RAB35: variants seen among roughly 807,000 people sequenced by gnomAD.
The protein encoded by RAB35 is ras-related protein Rab-35.
Under a neutral mutation model 28.9 loss-of-function variants are expected in RAB35, and 4 were observed. The observed-to-expected ratio is 0.14, with a 90% CI of 0.07 to 0.32. The LOEUF (loss-of-function observed/expected upper bound fraction) is 0.32, where lower values mean the gene tolerates loss of function less well. Ranked by LOEUF, RAB35 falls within the 10% of genes least tolerant of loss-of-function variation. RAB35 has a pLI of 1.00. For synonymous variants in RAB35, 99 were observed against 105.1 expected (o/e 0.94, Z 0.35); for missense variants, 128 against 274.0 (o/e 0.47, Z 3.76).
chr12:120,112,374 C>T (rs1876154027), intron 1 of RAB35, among the ~76,000 whole-genome samples: 1 of 152,148 alleles, frequency 6.6e-6, no homozygotes, highest in Admixed American at 6.5e-5. Flanking sequence ...CCCCTCACTC[C>T]TCTCTGCTTC....
intron 2 of RAB35, 101 bp downstream of exon 2, chr12:120,108,313 CAGT>C (rs1187153385): frequency 5.3e-5 from 63 of 1,196,374 alleles, no homozygotes; most frequent in Middle Eastern, 2.2e-4. Context: ...CAGAATGAGA[CAGT>C]TCCCAACATC....
At position 120,097,155 on chromosome 12, in the gene RAB35, A is replaced by G; in HGVS notation, c.*90T>C. On this transcript the variant is annotated 3_prime_UTR_variant, in exon 6 of 6. Transcript: ENST00000229340. ...TGGAGAGAATTCTTTAAATAACGGC[A>G]CGAAACTGAGACTGTCCCCCGAGGA... The G allele has an allele frequency of 6.2e-7, 1 of 1,611,992 alleles. No homozygotes were observed. Among genetic ancestry groups the G allele is most frequent in the Non-Finnish European group, 8.5e-7 (1 of 1,179,386 alleles).
intron 1 of RAB35, 81 bp downstream of exon 1, chr12:120,116,493 GCCCGCCCCGCACGGGCCGGCACCTC>G: frequency 7.9e-6 from 3 of 379,616 alleles, no homozygotes; most frequent in Non-Finnish European, 3.6e-6. Flanking sequence ...TGCCCCGCCC[GCCCGCCCCGCACGGGCCGGCACCTC>G]CCCGCCCGCC....
chr12:120,098,111 C>T (rs1028240582), intron 5 of RAB35, among the ~76,000 whole-genome samples: 1 of 152,166 alleles, frequency 6.6e-6, no homozygotes, highest in Non-Finnish European at 1.5e-5. Context: ...GTCTCGATCT[C>T]CTGACCTCGT....
intron 3 of RAB35, 193 bp from the exon 4 acceptor site, chr12:120,099,347 A>T: frequency 1.4e-6 from 1 of 718,942 alleles, no homozygotes; most frequent in Non-Finnish European, 2.2e-6. Flanking sequence ...GGCAGCACTG[A>T]CTCCCCCTGC....
intron 1 of RAB35, among the ~76,000 whole-genome samples, chr12:120,111,983 CTTTT>C (rs1161634088): frequency 1.4e-5 from 2 of 141,056 alleles, no homozygotes; most frequent in African/African-American, 5.2e-5. Context: ...GCCTGTCATT[CTTTT>C]TTTTTTTTTT....
intron 1 of RAB35, among the ~76,000 whole-genome samples, chr12:120,109,813 T>C (rs573201801): frequency 6.6e-6 from 1 of 152,184 alleles, no homozygotes; most frequent in South Asian, 2.1e-4. Flanking sequence ...CCTCTCCCCT[T>C]GACTTCAACT....
At chr12:120,108,547 T>A in intron 1 of RAB35, 80 bp from the exon 2 acceptor site, 5 of 1,359,630 alleles carry the variant, frequency 3.7e-6, no homozygotes, top group Non-Finnish European at 5.2e-6. Context: ...CGGGAGAGGA[T>A]GCCTCAGTCC....
At chr12:120,109,058 G>A (rs909515924) in intron 1 of RAB35, among the ~76,000 whole-genome samples, 1 of 152,252 alleles carries the variant, frequency 6.6e-6, no homozygotes, top group African/African-American at 2.4e-5. Context: ...CATCAGGGCA[G>A]CAGCCCACAT....
chr12:120,112,523 C>G (rs1752100656), intron 1 of RAB35, among the ~76,000 whole-genome samples: 1 of 151,934 alleles, frequency 6.6e-6, no homozygotes, highest in South Asian at 2.1e-4. Flanking sequence ...CTCAACCTCC[C>G]AGACTCAAGA....
At position 120,099,603 on chromosome 12, in the gene RAB35, C is replaced by T. The variant is rs913637895; in HGVS notation, c.228-449G>A. ...TTTCCAAGAAGCCACACCATCATGA[C>T]GCCCTGGCAAAGTCTGTGCCCCTCC... On this transcript the variant is annotated intron_variant, in intron 3 of 5. Transcript: ENST00000229340. 6 of 188,470 alleles carry T rather than the reference C, an allele frequency of 3.2e-5. No individual in the cohort carries two copies. In the South Asian group the frequency reaches 3.2e-4, roughly 10 times the overall value. 11.7% of individuals were successfully genotyped at this position (188,470 alleles called of 1,614,324 possible).
chr12:120,096,670 C>A lies in RAB35; in HGVS notation c.*575G>T, dbSNP rs1179059628. 3.1e-6 allele frequency: 4 copies of A among 1,289,818 alleles called. No homozygotes were observed. The highest frequency in any genetic ancestry group is 2.1e-4 in the Middle Eastern group (1 of 4,696). 79.9% of individuals were successfully genotyped at this position (1,289,818 alleles called of 1,614,324 possible). A position where few individuals can be genotyped will look rare whatever the true frequency, so the allele number is the denominator to read the frequency against. On this transcript the variant is annotated 3_prime_UTR_variant, in exon 6 of 6. Transcript: ENST00000229340. ...CAGAATGGCTGTGGGGACAGGACAACGGGGAGGGAAGGGAGCTGGCACAGG... is the reference window on the plus strand; with the variant it reads ...CAGAATGGCTGTGGGGACAGGACAAAGGGGAGGGAAGGGAGCTGGCACAGG...
rs370178581 is a variant in RAB35 at position 120,108,647 on chromosome 12, A to G, written c.53-180T>C. On this transcript the variant is annotated intron_variant, in intron 1 of 5. Transcript: ENST00000229340. ...GCCACACACCAAGAACATCTCTTCC[A>G]CTCGATCCCTGACCTTTTCCTTCGT... 12 of 703,324 alleles carry G rather than the reference A, an allele frequency of 1.7e-5. 1 individual carries two copies. Among genetic ancestry groups the G allele is most frequent in the African/African-American group, 8.8e-5 (5 of 57,048 alleles). The allele number at this position is 703,324 out of a possible 1,614,324, so 43.6% of individuals were successfully genotyped here.
chr12:120,104,393 A>G (rs1026306645), intron 2 of RAB35, among the ~76,000 whole-genome samples: 1 of 152,212 alleles, frequency 6.6e-6, no homozygotes, highest in African/African-American at 2.4e-5. Context: ...CATGAGCTGC[A>G]GTCTGAAAGC....
rs1271585968 is a variant in RAB35 at position 120,096,025 on chromosome 12, T to C, written c.*1220A>G. ...CCAGGGCACTGGGGCGTGTCAAAAC[T>C]GGCCGCCCCAGCCATTCCTTCCCAC... On this transcript the variant is annotated 3_prime_UTR_variant, in exon 6 of 6. Transcript: ENST00000229340. The C allele has an allele frequency of 5.3e-6, 1 of 187,504 alleles. No homozygotes were observed. The highest frequency in any genetic ancestry group is 1.5e-4 in the East Asian group (1 of 6,872). The allele number at this position is 187,504 out of a possible 1,614,324, so 11.6% of individuals were successfully genotyped here. A position where few individuals can be genotyped will look rare whatever the true frequency, so the allele number is the denominator to read the frequency against.
At chr12:120,098,008 C>A (rs1447321118) in intron 5 of RAB35, among the ~76,000 whole-genome samples, 8 of 151,930 alleles carry the variant, frequency 5.3e-5, no homozygotes, top group Admixed American at 5.2e-4. Context: ...CTCAGCCTCC[C>A]GAGTAGCTGG....
At chr12:120,112,800 C>A (rs1396406425) in intron 1 of RAB35, among the ~76,000 whole-genome samples, 6 of 151,660 alleles carry the variant, frequency 4.0e-5, no homozygotes, top group Non-Finnish European at 7.4e-5. Context: ...TCCTAACTCC[C>A]TGTAACTTTG....
At chr12:120,109,143 C>G (rs541888951) in intron 1 of RAB35, among the ~76,000 whole-genome samples, 1 of 152,206 alleles carries the variant, frequency 6.6e-6, no homozygotes, top group African/African-American at 2.4e-5. Flanking sequence ...TGGCCTCCCC[C>G]ACTTTTTTTG....
chr12:120,110,361 C>T (rs1269587170), intron 1 of RAB35, among the ~76,000 whole-genome samples: 1 of 131,132 alleles, frequency 7.6e-6, no homozygotes, highest in Non-Finnish European at 1.5e-5. Context: ...GCGATCATAA[C>T]TCACTCTAAC....
Sources: allele counts gnomAD v4.1 joint callset (sites outside exome capture counted in the v4.1 genomes callset), GRCh38; gene constraint gnomAD v4.1.1; transcripts MANE v1.5; gene names NCBI Gene and HGNC (gene_info 2026-07-23, HGNC 2026-07-21).